COLGALT2: variants seen among roughly 807,000 people sequenced by gnomAD.
The protein encoded by COLGALT2 is procollagen galactosyltransferase 2.
Under a neutral mutation model 73.4 loss-of-function variants are expected in COLGALT2, and 49 were observed. That is an observed-to-expected ratio of 0.67 (90% CI 0.53 to 0.85). The LOEUF (loss-of-function observed/expected upper bound fraction) is 0.85. COLGALT2 is among the 40% of genes least tolerant of loss of function. The pLI is 0.00. For synonymous variants in COLGALT2, 295 were observed against 307.6 expected (o/e 0.96, Z 0.43); for missense variants, 722 against 790.2 (o/e 0.91, Z 1.03).
chr1:183,945,654 C>T (rs1047568012), intron 8 of COLGALT2, 90 bp from the exon 9 acceptor site: 76 of 1,444,648 alleles, frequency 5.3e-5, no homozygotes, highest in Non-Finnish European at 6.7e-5. Context: ...CTGCAAACAC[C>T]CCTCCCCCAC....
intron 4 of COLGALT2, among the ~76,000 whole-genome samples, chr1:183,971,654 C>G (rs1287893756): frequency 6.6e-6 from 1 of 152,188 alleles, no homozygotes; most frequent in African/African-American, 2.4e-5. Context: ...AGCACGCATT[C>G]AAAATCTCTT....
At chr1:184,005,797 T>G (rs969954568) in intron 1 of COLGALT2, among the ~76,000 whole-genome samples, 2 of 152,156 alleles carry the variant, frequency 1.3e-5, no homozygotes, top group African/African-American at 4.8e-5. Flanking sequence ...GTCTCATGAG[T>G]TCACAGATGA....
At chr1:184,019,651 C>T (rs1197419377) in intron 1 of COLGALT2, among the ~76,000 whole-genome samples, 1 of 152,182 alleles carries the variant, frequency 6.6e-6, no homozygotes, top group East Asian at 1.9e-4. Context: ...AGACTCAGAA[C>T]TTAAGTACAA....
At chr1:183,944,356 G>C in intron 9 of COLGALT2, 33 bp from the exon 10 acceptor site, 1 of 1,586,024 alleles carries the variant, frequency 6.3e-7, no homozygotes, top group South Asian at 1.2e-5. Flanking sequence ...GATACCCTAT[G>C]AAAAGTTTGA....
intron 6 of COLGALT2, among the ~76,000 whole-genome samples, chr1:183,961,953 ATCAT>A (rs1670713530): frequency 6.6e-6 from 1 of 152,140 alleles, no homozygotes; most frequent in Admixed American, 6.5e-5. Context: ...TCATTTCATC[ATCAT>A]TCATTCAGTC....
intron 9 of COLGALT2, among the ~76,000 whole-genome samples, chr1:183,945,215 T>A (rs1312624306): frequency 6.6e-6 from 1 of 152,068 alleles, no homozygotes; most frequent in Non-Finnish European, 1.5e-5. Context: ...GACATGGGTG[T>A]CTCCCCCGTC....
intron 1 of COLGALT2, among the ~76,000 whole-genome samples, chr1:184,024,341 C>CT (rs1649265306): frequency 6.6e-6 from 1 of 151,118 alleles, no homozygotes; most frequent in Non-Finnish European, 1.5e-5. Flanking sequence ...TACCTTTCAG[C>CT]TTTTTTCTTT....
intron 1 of COLGALT2, among the ~76,000 whole-genome samples, chr1:184,004,462 T>C (rs942740927): frequency 2.0e-5 from 3 of 152,238 alleles, no homozygotes; most frequent in African/African-American, 7.2e-5. Flanking sequence ...TTAACTGTGT[T>C]CTACAACATT....
intron 8 of COLGALT2, 70 bp downstream of exon 8, chr1:183,950,937 T>G: frequency 8.5e-7 from 1 of 1,173,156 alleles, no homozygotes; most frequent in Non-Finnish European, 1.3e-6. Context: ...CACCTGGGAC[T>G]AACTCTCTGT....
intron 1 of COLGALT2, among the ~76,000 whole-genome samples, chr1:184,011,776 G>A (rs1222691135): frequency 3.3e-5 from 5 of 152,194 alleles, no homozygotes; most frequent in Admixed American, 6.5e-5. Context: ...TACATGTGAG[G>A]TGTAAGTGGG....
intron 1 of COLGALT2, among the ~76,000 whole-genome samples, chr1:184,004,507 T>C (rs1473913122): frequency 6.6e-6 from 1 of 152,216 alleles, no homozygotes. Context: ...TTTCATTTAA[T>C]TTTAAACAAC....
In COLGALT2 at chr1:183,937,121, G is replaced by A. The variant is rs1306560500; in HGVS notation, c.*1640C>T. On this transcript the variant is annotated 3_prime_UTR_variant, in exon 12 of 12. Transcript: ENST00000361927. ...AGTGTATCTTACACTCGTACACTAA[G>A]CTTGTGTATGTAGCACCACCCGCCT... 1.6e-6 allele frequency: 2 copies of A among 1,229,932 alleles called. No individual in the cohort carries two copies. Among genetic ancestry groups the A allele is most frequent in the South Asian group, 8.5e-5 (2 of 23,532 alleles). The allele number at this position is 1,229,932 out of a possible 1,614,324, so 76.2% of individuals were successfully genotyped here. A position where few individuals can be genotyped will look rare whatever the true frequency, so the allele number is the denominator to read the frequency against.
rs1441385730 is a variant in COLGALT2, at chr1:183,938,427, A to T, written c.*334T>A. 12 of 1,107,754 alleles carry T rather than the reference A, an allele frequency of 1.1e-5. No homozygotes were observed. Among genetic ancestry groups the T allele is most frequent in the Non-Finnish European group, 1.2e-5 (11 of 906,412 alleles). 68.6% of individuals were successfully genotyped at this position (1,107,754 alleles called of 1,614,324 possible). On this transcript the variant is annotated 3_prime_UTR_variant, in exon 12 of 12. Coordinates refer to ENST00000361927, the MANE Select transcript of COLGALT2 (RefSeq NM_015101.4). Reference sequence around the variant, plus strand: ...ACAGCTCGGTGATCACTTTCTCTTGAACAAGACTCTGAGCCATGTTGTTCA... The same window carrying T: ...ACAGCTCGGTGATCACTTTCTCTTGTACAAGACTCTGAGCCATGTTGTTCA...
Position 183,937,826 on chromosome 1 carries a change from C to A in COLGALT2, c.*935G>T. Reference sequence around the variant, plus strand: ...ATAGTTGCTGGCCTGAAAATGTGCTCTGTCTCTTAGCAGTGACTCACAGAA... The same window carrying A: ...ATAGTTGCTGGCCTGAAAATGTGCTATGTCTCTTAGCAGTGACTCACAGAA... On this transcript the variant is annotated 3_prime_UTR_variant, in exon 12 of 12. Coordinates refer to ENST00000361927, the MANE Select transcript of COLGALT2 (RefSeq NM_015101.4). The A allele has an allele frequency of 1.0e-6, 1 of 985,474 alleles. No individual in the cohort carries two copies. The highest frequency in any genetic ancestry group is 1.2e-6 in the Non-Finnish European group (1 of 829,938). 61.0% of individuals were successfully genotyped at this position (985,474 alleles called of 1,614,324 possible). A position where few individuals can be genotyped will look rare whatever the true frequency, so the allele number is the denominator to read the frequency against.
chr1:183,979,943 C>T (rs916372517), intron 1 of COLGALT2, among the ~76,000 whole-genome samples: 6 of 151,920 alleles, frequency 3.9e-5, no homozygotes, highest in Admixed American at 2.6e-4. Context: ...ATGACATATA[C>T]GTAGAAGTTG....
chr1:183,980,360 TA>T (rs1302410007), intron 1 of COLGALT2, among the ~76,000 whole-genome samples: 1 of 151,782 alleles, frequency 6.6e-6, no homozygotes, highest in Non-Finnish European at 1.5e-5. Context: ...CAAACAAATA[TA>T]AAACAATAAG....
At chr1:183,978,383 T>C in intron 2 of COLGALT2, 27 bp downstream of exon 2, 1 of 1,286,702 alleles carries the variant, frequency 7.8e-7, no homozygotes, top group Non-Finnish European at 1.1e-6. Context: ...AAATAATGAG[T>C]TTACAAATTT....
chr1:183,953,839 C>T lies in COLGALT2; in HGVS notation c.1029+923G>A, dbSNP rs554562070. Among the ~76,000 whole-genome samples the T allele has an allele frequency of 9.2e-5, 14 of 152,284 alleles. No individual in the cohort carries two copies. In the East Asian group the frequency reaches 2.5e-3, roughly 27 times the overall value. ...AAGAAATCTTAATTCCCAGTTCTAGCGTCAAATCCCTTTGAGAAGGCTGTA... is the reference window on the plus strand; with the variant it reads ...AAGAAATCTTAATTCCCAGTTCTAGTGTCAAATCCCTTTGAGAAGGCTGTA... On this transcript the variant is annotated intron_variant, in intron 7 of 11. Coordinates refer to ENST00000361927, the MANE Select transcript of COLGALT2 (RefSeq NM_015101.4).
At chr1:183,959,218 T>G (rs1670632529) in intron 6 of COLGALT2, among the ~76,000 whole-genome samples, 1 of 152,206 alleles carries the variant, frequency 6.6e-6, no homozygotes, top group Non-Finnish European at 1.5e-5. Flanking sequence ...CTTCTCATCC[T>G]GTGTTCTTTT....
Sources: allele counts gnomAD v4.1 joint callset (sites outside exome capture counted in the v4.1 genomes callset), GRCh38; gene constraint gnomAD v4.1.1; transcripts MANE v1.5; gene names NCBI Gene and HGNC (gene_info 2026-07-23, HGNC 2026-07-21).